Variants in ATXN1 observed in about 807,000 individuals in gnomAD.
ATXN1 encodes the protein ataxin 1, also known as ataxin-1.
In ATXN1, 8 loss-of-function variants were observed where a neutral mutation model predicts 56.4. The ratio of observed to expected loss-of-function variants is 0.14; its 90% CI spans 0.08 to 0.26. The LOEUF is 0.26. Ranked by LOEUF, ATXN1 falls within the 10% of genes least tolerant of loss-of-function variation. ATXN1 has a pLI of 1.00. For synonymous variants in ATXN1, 514 were observed against 494.6 expected (o/e 1.04, Z -0.52); for missense variants, 987 against 1,106.5 (o/e 0.89, Z 1.53).
intron 6 of ATXN1, among the ~76,000 whole-genome samples, chr6:16,451,266 G>C (rs536950382): frequency 3.3e-5 from 5 of 152,312 alleles, no homozygotes; most frequent in African/African-American, 9.6e-5. Context: ...TCAGGAATTC[G>C]AGACAAGCCT....
rs193293294 is a variant in ATXN1, at chr6:16,601,982, G to A, written c.-488-16075C>T. ...AAATTCTCACGTATTTTAGAGTCAGGGTTCTCAAATCATAAATCTTAAAGT... is the reference window on the plus strand; with the variant it reads ...AAATTCTCACGTATTTTAGAGTCAGAGTTCTCAAATCATAAATCTTAAAGT... On this transcript the variant is annotated intron_variant, in intron 3 of 7. Coordinates refer to ENST00000436367, the MANE Select transcript of ATXN1 (RefSeq NM_001128164.2). Among the ~76,000 whole-genome samples, 3 of 152,166 alleles carry A rather than the reference G, an allele frequency of 2.0e-5. No individual in the cohort carries two copies. In the East Asian group the frequency reaches 5.8e-4, roughly 29 times the overall value.
chr6:16,604,978 C>T (rs946786340), intron 3 of ATXN1, among the ~76,000 whole-genome samples: 4 of 152,206 alleles, frequency 2.6e-5, no homozygotes, highest in Non-Finnish European at 5.9e-5. Context: ...AATTATATTA[C>T]ATGCACATGT....
chr6:16,643,209 T>A (rs1763738426), intron 3 of ATXN1, among the ~76,000 whole-genome samples: 1 of 148,250 alleles, frequency 6.7e-6, no homozygotes, highest in Non-Finnish European at 1.5e-5. Context: ...GCAGAGATCG[T>A]GCCACTGCAC....
At chr6:16,632,775 T>C (rs6929468) in intron 3 of ATXN1, among the ~76,000 whole-genome samples, 32,227 of 152,044 alleles carry the variant, frequency 0.21, 6,959 homozygotes, top group African/African-American at 0.56. Flanking sequence ...CCCAGCACTT[T>C]AGGAGGCAGA....
chr6:16,548,890 T>A (rs1190903114), intron 4 of ATXN1, among the ~76,000 whole-genome samples: 1 of 152,158 alleles, frequency 6.6e-6, no homozygotes, highest in East Asian at 1.9e-4. Context: ...ACCACTGCAC[T>A]CCAGCCTGGG....
intron 7 of ATXN1, among the ~76,000 whole-genome samples, chr6:16,316,278 C>CA (rs1321936548): frequency 6.6e-6 from 1 of 152,168 alleles, no homozygotes; most frequent in African/African-American, 2.4e-5. Context: ...CCCATCCTGC[C>CA]AAAAAATCTT....
At chr6:16,639,066 TTGTAAAATGGACCAATCAGCACTC>T (rs1234833929) in intron 3 of ATXN1, among the ~76,000 whole-genome samples, 1 of 152,166 alleles carries the variant, frequency 6.6e-6, no homozygotes, top group Non-Finnish European at 1.5e-5. Flanking sequence ...AGCTTGAGGT[TTGTAAAATGGACCAATCAGCACTC>T]TGTAAAATGG....
At chr6:16,374,009 T>C (rs1762097751) in intron 6 of ATXN1, among the ~76,000 whole-genome samples, 1 of 151,948 alleles carries the variant, frequency 6.6e-6, no homozygotes, top group Admixed American at 6.6e-5. Flanking sequence ...ACATGTTACA[T>C]AAAGCACCAC....
At chr6:16,693,153 G>A (rs187583456) in intron 2 of ATXN1, among the ~76,000 whole-genome samples, 1 of 152,306 alleles carries the variant, frequency 6.6e-6, no homozygotes, top group African/African-American at 2.4e-5. Context: ...CCACTGTGAG[G>A]ATTAAATGAG....
intron 2 of ATXN1, among the ~76,000 whole-genome samples, chr6:16,713,127 A>G (rs151014746): frequency 7.2e-5 from 11 of 152,300 alleles, no homozygotes; most frequent in African/African-American, 2.4e-4. Context: ...CTGGCTGAAA[A>G]AGTAGATGCC....
intron 2 of ATXN1, among the ~76,000 whole-genome samples, chr6:16,722,854 T>C (rs1454693316): frequency 1.3e-5 from 2 of 152,214 alleles, no homozygotes; most frequent in Non-Finnish European, 2.9e-5. Flanking sequence ...GAATGCAGTG[T>C]CAGTAACATG....
At chr6:16,759,537 T>C (rs1469282136) in intron 1 of ATXN1, among the ~76,000 whole-genome samples, 2 of 142,370 alleles carry the variant, frequency 1.4e-5, no homozygotes. Flanking sequence ...ACTGTTTTTT[T>C]TTTTTTTTTT....
chr6:16,696,544 T>A (rs1759169797), intron 2 of ATXN1, among the ~76,000 whole-genome samples: 1 of 152,210 alleles, frequency 6.6e-6, no homozygotes, highest in Admixed American at 6.5e-5. Flanking sequence ...TTAATGCATT[T>A]AAATAATATT....
At chr6:16,698,357 A>C (rs1235700927) in intron 2 of ATXN1, among the ~76,000 whole-genome samples, 1 of 151,864 alleles carries the variant, frequency 6.6e-6, no homozygotes, top group Non-Finnish European at 1.5e-5. Flanking sequence ...TCCCATTCTC[A>C]CTCCCAGTAG....
At chr6:16,680,563 G>T (rs551976896) in intron 2 of ATXN1, among the ~76,000 whole-genome samples, 3 of 152,186 alleles carry the variant, frequency 2.0e-5, no homozygotes, top group Non-Finnish European at 1.5e-5. Context: ...TGGGGCAGGG[G>T]TGAGGCATCA....
At chr6:16,314,040 A>C (rs1261018426) in intron 7 of ATXN1, among the ~76,000 whole-genome samples, 1 of 152,220 alleles carries the variant, frequency 6.6e-6, no homozygotes, top group Non-Finnish European at 1.5e-5. Flanking sequence ...ATGAAAGCTG[A>C]GGTGGGAGCG....
At chr6:16,755,963 C>T (rs961728172) in intron 1 of ATXN1, among the ~76,000 whole-genome samples, 2 of 152,076 alleles carry the variant, frequency 1.3e-5, no homozygotes, top group African/African-American at 4.8e-5. Context: ...TGAAATATGT[C>T]AAACAAAATA....
chr6:16,567,541 A>T (rs560552575), intron 4 of ATXN1, among the ~76,000 whole-genome samples: 1 of 152,194 alleles, frequency 6.6e-6, no homozygotes, highest in African/African-American at 2.4e-5. Context: ...CACCCTGACA[A>T]TCTAACTCTG....
intron 5 of ATXN1, among the ~76,000 whole-genome samples, chr6:16,505,558 C>T (rs979239270): frequency 2.6e-5 from 4 of 152,096 alleles, no homozygotes; most frequent in African/African-American, 9.7e-5. Flanking sequence ...TGAAATTTCC[C>T]CTTGCAATAA....
Sources: gnomAD v4.1 joint callset for allele counts (sites outside exome capture counted in the v4.1 genomes callset) on GRCh38, gnomAD v4.1.1 for gene constraint, MANE v1.5 for transcripts, NCBI Gene and HGNC (gene_info 2026-07-23, HGNC 2026-07-21) for gene names.